Variants in FRY observed in about 807,000 individuals in gnomAD.
FRY encodes the protein FRY microtubule binding protein.
FRY carries 128 observed loss-of-function variants against 348.4 expected under a neutral mutation model. The ratio of observed to expected loss-of-function variants is 0.37; its 90% CI spans 0.32 to 0.43. FRY has a LOEUF of 0.43. FRY is among the 20% of genes least tolerant of loss of function. The pLI is 1.00. For synonymous variants in FRY, 1,370 were observed against 1,374.7 expected (o/e 1.00, Z 0.08); for missense variants, 2,736 against 3,695.2 (o/e 0.74, Z 6.73).
At chr13:32,224,096 C>A in intron 36 of FRY, 139 bp from the exon 37 acceptor site, 1 of 742,174 alleles carries the variant, frequency 1.3e-6, no homozygotes, top group Non-Finnish European at 2.1e-6. Context: ...AGACCCTGTC[C>A]CTAAAAAAAA....
At position 32,173,559 on chromosome 13, in the gene FRY, A is replaced by T; in HGVS notation, c.2334+10A>T. 6.2e-7 allele frequency: 1 copy of T among 1,604,190 alleles called. No homozygotes were observed. Among genetic ancestry groups the T allele is most frequent in the South Asian group, 1.1e-5 (1 of 90,888 alleles). ...CCTGGGGCAGCCTGAGGTATGGATT[A>T]GTCTTCTGAATTTTTCCATTTCTTA... On this transcript the variant is annotated intron_variant, in intron 19 of 60. Transcript: ENST00000542859.
intron 3 of FRY, among the ~76,000 whole-genome samples, chr13:32,107,839 T>C (rs1313887401): frequency 6.6e-6 from 1 of 152,156 alleles, no homozygotes; most frequent in Non-Finnish European, 1.5e-5. Context: ...TGGTCCATGC[T>C]AGTGATAAAG....
At position 32,178,375 on chromosome 13, in the gene FRY, A is replaced by G. The variant is rs763219129; in HGVS notation, c.2620A>G (p.Ser874Gly). ...NLPKHCPTAL[S>G]YAWPYAFTRL... ...ACCCAAGCACTGCCCCACAGCCCTC[A>G]GCTATGCCTGGCCTTATGCCTTCAC... Residue 874 changes from serine to glycine, a missense_variant, in exon 21 of 61, where the codon AGC (serine) becomes GGC (glycine). By Grantham distance (56) the Ser-to-Gly change is moderately conservative. Transcript: ENST00000542859. 6.2e-7 allele frequency: 1 copy of G among 1,614,140 alleles called. No individual in the cohort carries two copies. Among genetic ancestry groups the G allele is most frequent in the South Asian group, 1.1e-5 (1 of 91,076 alleles).
intron 8 of FRY, among the ~76,000 whole-genome samples, chr13:32,133,218 A>G (rs1879480525): frequency 6.6e-6 from 1 of 152,192 alleles, no homozygotes. Flanking sequence ...CAATAAAACT[A>G]TTATATATTG....
intron 15 of FRY, among the ~76,000 whole-genome samples, chr13:32,156,801 T>G (rs1326244833): frequency 6.6e-6 from 1 of 152,152 alleles, no homozygotes; most frequent in Non-Finnish European, 1.5e-5. Flanking sequence ...ATGTTTTTCT[T>G]CATTTTTAAA....
intron 40 of FRY, among the ~76,000 whole-genome samples, chr13:32,230,741 T>C (rs1885865528): frequency 6.6e-6 from 1 of 152,222 alleles, no homozygotes; most frequent in Non-Finnish European, 1.5e-5. Flanking sequence ...CACACTGTCT[T>C]CCACAATGGT....
intron 1 of FRY, among the ~76,000 whole-genome samples, chr13:32,057,972 A>G (rs914171313): frequency 5.3e-5 from 8 of 152,212 alleles, no homozygotes; most frequent in African/African-American, 1.9e-4. Context: ...AAAAAAATAA[A>G]TAAATAAAAT....
rs1886401141 is a variant in FRY at position 32,239,701 on chromosome 13, A to G, written c.6517-10A>G. 1 of 1,595,210 alleles carries G rather than the reference A, an allele frequency of 6.3e-7. No homozygotes were observed. Among genetic ancestry groups the G allele is most frequent in the Non-Finnish European group, 8.6e-7 (1 of 1,163,220 alleles). Reference sequence around the variant, plus strand: ...TATTTTATTCCTAATTGATTTTTTTATTTTAAAAGGTTTGTTTAGAAGAGA... The same window carrying G: ...TATTTTATTCCTAATTGATTTTTTTGTTTTAAAAGGTTTGTTTAGAAGAGA... On this transcript the variant is annotated splice_polypyrimidine_tract_variant and intron_variant, in intron 45 of 60. Transcript: ENST00000542859. The surrounding 1 kb of genome is among the most constrained non-coding windows in gnomAD (Gnocchi z 4.3).
intron 1 of FRY, among the ~76,000 whole-genome samples, chr13:32,072,324 AT>A (rs945645958): frequency 4.0e-5 from 6 of 151,216 alleles, no homozygotes; most frequent in Non-Finnish European, 5.9e-5. Context: ...GTTTTTCGGT[AT>A]TTTTTTTTAC....
At chr13:32,158,690 G>C (rs186756169) in intron 16 of FRY, among the ~76,000 whole-genome samples, 12 of 152,208 alleles carry the variant, frequency 7.9e-5, no homozygotes, top group Admixed American at 7.9e-4. Context: ...GGCCAAGGCG[G>C]TCAGACCACT....
intron 55 of FRY, among the ~76,000 whole-genome samples, chr13:32,273,313 CTG>C (rs1491207586): frequency 2.6e-5 from 4 of 151,862 alleles, no homozygotes; most frequent in African/African-American, 7.3e-5. Flanking sequence ...GCTCCGCCCC[CTG>C]GGGTTCACGC....
At chr13:32,236,388 A>G (rs1886231248) in intron 43 of FRY, among the ~76,000 whole-genome samples, 1 of 152,178 alleles carries the variant, frequency 6.6e-6, no homozygotes, top group Non-Finnish European at 1.5e-5. Flanking sequence ...AGTATTTTAA[A>G]ACATCAGGAA....
intron 53 of FRY, 41 bp downstream of exon 53, chr13:32,262,516 A>T: frequency 6.7e-7 from 1 of 1,503,492 alleles, no homozygotes; most frequent in Non-Finnish European, 9.3e-7. Flanking sequence ...CTTCCCTTAA[A>T]ACCCTTAAAA....
chr13:32,163,881 G>A (rs1003955125), intron 17 of FRY, among the ~76,000 whole-genome samples: 1 of 150,626 alleles, frequency 6.6e-6, no homozygotes, highest in African/African-American at 2.5e-5. Context: ...GCTGTTTTTT[G>A]TTTTTTCTTT....
At chr13:32,107,159 C>T (rs1029106130) in intron 3 of FRY, among the ~76,000 whole-genome samples, 1 of 152,144 alleles carries the variant, frequency 6.6e-6, no homozygotes, top group African/African-American at 2.4e-5. Flanking sequence ...GAGTTGGAGA[C>T]CAGCCTGGCC....
At chr13:32,082,604 C>T (rs1193577623) in intron 2 of FRY, among the ~76,000 whole-genome samples, 5 of 152,160 alleles carry the variant, frequency 3.3e-5, no homozygotes, top group Non-Finnish European at 7.4e-5. Flanking sequence ...TTTCTTCTTC[C>T]CAAAGTGAAT....
At chr13:32,058,282 A>G (rs916908077) in intron 1 of FRY, among the ~76,000 whole-genome samples, 3 of 152,220 alleles carry the variant, frequency 2.0e-5, no homozygotes, top group African/African-American at 7.2e-5. Context: ...TCATTTTAAT[A>G]ATTTTGAATA....
At chr13:32,073,070 C>T (rs1874776855) in intron 1 of FRY, among the ~76,000 whole-genome samples, 1 of 152,108 alleles carries the variant, frequency 6.6e-6, no homozygotes, top group Non-Finnish European at 1.5e-5. Flanking sequence ...GGTAAAATTC[C>T]AGTAATGGGA....
At chr13:32,267,427 G>A in intron 55 of FRY, 68 bp downstream of exon 55, 6 of 1,359,516 alleles carry the variant, frequency 4.4e-6, no homozygotes, top group Non-Finnish European at 6.3e-6. Flanking sequence ...TTGAATTTAA[G>A]GAGAGGTTGT....
Sources: gnomAD v4.1 joint callset for allele counts (sites outside exome capture counted in the v4.1 genomes callset) on GRCh38, gnomAD v4.1.1 for gene constraint, Gnocchi (gnomAD v3.1) non-coding constraint, MANE v1.5 for transcripts, NCBI Gene and HGNC (gene_info 2026-07-23, HGNC 2026-07-21) for gene names.